Variants in RGS6 observed in about 807,000 individuals in gnomAD.
RGS6 encodes regulator of G protein signaling 6.
In RGS6, 30 loss-of-function variants were observed where a neutral mutation model predicts 78.5. The ratio of observed to expected loss-of-function variants is 0.38; its 90% confidence interval spans 0.29 to 0.52. The LOEUF (loss-of-function observed/expected upper bound fraction) is 0.52, where lower values mean the gene tolerates loss of function less well. Ranked by LOEUF, RGS6 falls within the 20% of genes least tolerant of loss-of-function variation. RGS6 has a pLI of 0.85. For synonymous variants in RGS6, 206 were observed against 206.0 expected, an observed-to-expected ratio of 1.00 and a Z score of 0.00; for missense variants, 495 against 609.7, an observed-to-expected ratio of 0.81 and a Z score of 1.98.
At chr14:72,525,208 G>A (rs900518584) in intron 15 of RGS6, among the ~76,000 whole-genome samples, 2 of 152,168 alleles carry the variant, frequency 1.3e-5, no homozygotes, top group Non-Finnish European at 2.9e-5. Flanking sequence ...TTTCAACTTT[G>A]GAGAGACAAC....
intron 17 of RGS6, among the ~76,000 whole-genome samples, chr14:72,553,081 C>T (rs2097528722): frequency 6.6e-6 from 1 of 152,214 alleles, no homozygotes; most frequent in Admixed American, 6.5e-5. Context: ...GGTGCATGTG[C>T]CGCCTGCCTG....
In RGS6 at chr14:72,112,495, G is replaced by C. The variant is rs554819246; in HGVS notation, c.84+147620G>C. 2.0e-5 allele frequency among the ~76,000 whole-genome samples: 3 copies of C among 152,250 alleles called. No individual in the cohort carries two copies. In the South Asian group the frequency reaches 6.2e-4, roughly 32 times the overall value. On this transcript the variant is annotated intron_variant, in intron 2 of 17. Transcript: ENST00000553525. ...CCAAAGTTCAGGCTTTTAATTAGAAGGCCTGTCATATCATAGAAATCACAA... is the reference window on the plus strand; with the variant it reads ...CCAAAGTTCAGGCTTTTAATTAGAACGCCTGTCATATCATAGAAATCACAA...
intron 2 of RGS6, among the ~76,000 whole-genome samples, chr14:72,204,191 A>G (rs2042216487): frequency 6.6e-6 from 1 of 152,112 alleles, no homozygotes. Flanking sequence ...TACAACCATC[A>G]CCACTATTTA....
At chr14:72,599,266 C>T in the RGS6 span, among the ~76,000 whole-genome samples, 9 of 152,274 alleles carry the variant, frequency 5.9e-5, no homozygotes, top group South Asian at 1.5e-3. Context: ...TTGCCCCATC[C>T]CGTTCATCGC....
At chr14:72,380,959 A>G (rs2085924494) in intron 3 of RGS6, among the ~76,000 whole-genome samples, 1 of 152,154 alleles carries the variant, frequency 6.6e-6, no homozygotes, top group South Asian at 2.1e-4. Context: ...AAAATGTGGT[A>G]TGAATATATA....
chr14:72,498,100 G>A (rs1176058130), intron 13 of RGS6, among the ~76,000 whole-genome samples: 1 of 152,092 alleles, frequency 6.6e-6, no homozygotes, highest in Non-Finnish European at 1.5e-5. Flanking sequence ...CTGAGTGTTG[G>A]GAGAGTGGTT....
At chr14:72,230,526 A>G (rs1036116733) in intron 2 of RGS6, among the ~76,000 whole-genome samples, 1 of 152,170 alleles carries the variant, frequency 6.6e-6, no homozygotes, top group African/African-American at 2.4e-5. Context: ...AAGATTGGAA[A>G]CTGTAGCACT....
chr14:72,280,467 C>T (rs922268623), intron 2 of RGS6, among the ~76,000 whole-genome samples: 1 of 152,196 alleles, frequency 6.6e-6, no homozygotes, highest in Non-Finnish European at 1.5e-5. Context: ...GGTCTAGCCT[C>T]AGGCTTGTCA....
chr14:72,278,614 A>T (rs1362152758), intron 2 of RGS6, among the ~76,000 whole-genome samples: 2 of 152,188 alleles, frequency 1.3e-5, no homozygotes, highest in Non-Finnish European at 2.9e-5. Context: ...ATACATTTAT[A>T]TATGTTTTAT....
At chr14:72,577,756 C>T in the RGS6 span, among the ~76,000 whole-genome samples, 1 of 152,336 alleles carries the variant, frequency 6.6e-6, no homozygotes, top group South Asian at 2.1e-4. Context: ...AGGAGAAAGC[C>T]ACTTCTTCAT....
chr14:72,054,366 G>C (rs908742239), intron 2 of RGS6, among the ~76,000 whole-genome samples: 1 of 152,178 alleles, frequency 6.6e-6, no homozygotes, highest in East Asian at 1.9e-4. Flanking sequence ...CACTGTGCTC[G>C]AAGATGACAG....
At chr14:71,902,624 T>C in the RGS6 span, among the ~76,000 whole-genome samples, 1 of 151,442 alleles carries the variant, frequency 6.6e-6, no homozygotes, top group Non-Finnish European at 1.5e-5. Context: ...AGAGGAAAAC[T>C]CCGAGAACTA....
chr14:72,039,349 T>C (rs1352715428), intron 2 of RGS6, among the ~76,000 whole-genome samples: 4 of 152,122 alleles, frequency 2.6e-5, no homozygotes, highest in African/African-American at 9.7e-5. Context: ...TTAGGGCTAG[T>C]TTATAGGAGG....
At chr14:72,583,778 G>T in the RGS6 span, among the ~76,000 whole-genome samples, 30 of 152,262 alleles carry the variant, frequency 2.0e-4, no homozygotes, top group Admixed American at 5.9e-4. Flanking sequence ...TCATACAGGT[G>T]GCCACCCATA....
chr14:72,375,948 A>G (rs965840591), intron 3 of RGS6, among the ~76,000 whole-genome samples: 1 of 152,182 alleles, frequency 6.6e-6, no homozygotes. Flanking sequence ...ATGTAGGGAC[A>G]CAATAAACAT....
At chr14:71,873,904 T>C in the RGS6 span, among the ~76,000 whole-genome samples, 1 of 152,228 alleles carries the variant, frequency 6.6e-6, no homozygotes, top group Non-Finnish European at 1.5e-5. Flanking sequence ...TGGGAATCCT[T>C]TCCCCATTTC....
chr14:72,559,385 C>T (rs999545451), intron 17 of RGS6, among the ~76,000 whole-genome samples: 2 of 152,186 alleles, frequency 1.3e-5, no homozygotes, highest in Non-Finnish European at 2.9e-5. Context: ...TATTTCTTCC[C>T]CAAAGCCCCG....
intron 15 of RGS6, among the ~76,000 whole-genome samples, chr14:72,524,675 C>T (rs950738698): frequency 2.0e-5 from 3 of 152,160 alleles, no homozygotes; most frequent in Non-Finnish European, 4.4e-5. Flanking sequence ...TTGACCCGTG[C>T]GGCATAATAT....
intron 2 of RGS6, among the ~76,000 whole-genome samples, chr14:72,053,316 C>A (rs965213204): frequency 3.3e-5 from 5 of 151,526 alleles, no homozygotes; most frequent in Admixed American, 6.6e-5. Context: ...GACGGAGTTT[C>A]ACCATATTGG....
Sources: allele counts gnomAD v4.1 joint callset (sites outside exome capture counted in the v4.1 genomes callset), GRCh38; gene constraint gnomAD v4.1.1; transcripts MANE v1.5; gene names NCBI Gene and HGNC (gene_info 2026-07-23, HGNC 2026-07-21).